Variants in HS6ST3 observed in about 807,000 individuals in gnomAD.
The protein encoded by HS6ST3 is heparan sulfate 6-O-sulfotransferase 3, also known as heparan-sulfate 6-O-sulfotransferase 3.
A neutral mutation model predicts 36.7 loss-of-function variants in HS6ST3; 12 were observed. The observed-to-expected ratio is 0.33, with a 90% CI of 0.21 to 0.53. The LOEUF (loss-of-function observed/expected upper bound fraction) is 0.53. Ranked by LOEUF, HS6ST3 falls within the 20% of genes least tolerant of loss-of-function variation. The pLI is 0.95. For synonymous variants in HS6ST3, 240 were observed against 257.5 expected (o/e 0.93, Z 0.65); for missense variants, 584 against 640.9 (o/e 0.91, Z 0.96).
chr13:96,453,262 C>G (rs76111065), intron 1 of HS6ST3, among the ~76,000 whole-genome samples: 1 of 151,498 alleles, frequency 6.6e-6, no homozygotes, highest in Non-Finnish European at 1.5e-5. Flanking sequence ...GTGGTAAAGT[C>G]TGGGCTTTTA....
intron 1 of HS6ST3, among the ~76,000 whole-genome samples, chr13:96,175,877 C>T (rs1484163420): frequency 3.3e-5 from 5 of 151,982 alleles, no homozygotes; most frequent in South Asian, 4.2e-4. Flanking sequence ...CTCTGTTGCC[C>T]AGGCTGGCGT....
intron 1 of HS6ST3, among the ~76,000 whole-genome samples, chr13:96,207,877 A>T (rs2054379332): frequency 6.6e-6 from 1 of 152,142 alleles, no homozygotes; most frequent in African/African-American, 2.4e-5. Context: ...TAGCTTATGG[A>T]TTCTGGGCTT....
chr13:96,236,433 G>T (rs1481955025), intron 1 of HS6ST3, among the ~76,000 whole-genome samples: 1 of 151,918 alleles, frequency 6.6e-6, no homozygotes, highest in South Asian at 2.1e-4. Context: ...CACCTTTTCT[G>T]CTGTCCCCTG....
At chr13:96,271,232 A>G (rs959251632) in intron 1 of HS6ST3, among the ~76,000 whole-genome samples, 1 of 152,002 alleles carries the variant, frequency 6.6e-6, no homozygotes, top group African/African-American at 2.4e-5. Flanking sequence ...AAGCCATTAC[A>G]TAGCATTTAC....
chr13:96,122,424 G>C (rs2053930226), intron 1 of HS6ST3, among the ~76,000 whole-genome samples: 1 of 151,886 alleles, frequency 6.6e-6, no homozygotes, highest in Admixed American at 6.6e-5. Flanking sequence ...TTATACTTTT[G>C]CAAACCCCCT....
chr13:96,398,760 C>T (rs1181848874), intron 1 of HS6ST3, among the ~76,000 whole-genome samples: 10 of 152,294 alleles, frequency 6.6e-5, no homozygotes, highest in Admixed American at 2.6e-4. Context: ...TGATATAAAA[C>T]GGGAAAGGAC....
intron 1 of HS6ST3, among the ~76,000 whole-genome samples, chr13:96,591,734 T>A (rs992914879): frequency 1.3e-5 from 2 of 152,080 alleles, no homozygotes; most frequent in Non-Finnish European, 2.9e-5. Context: ...CAATACCATA[T>A]GTAATAATGG....
intron 1 of HS6ST3, among the ~76,000 whole-genome samples, chr13:96,628,244 T>G (rs1209345682): frequency 3.3e-5 from 5 of 152,014 alleles, no homozygotes; most frequent in African/African-American, 4.8e-5. Flanking sequence ...TTTAAGATTT[T>G]CCGTTATTTC....
intron 1 of HS6ST3, among the ~76,000 whole-genome samples, chr13:96,275,651 A>G (rs753543340): frequency 6.6e-6 from 1 of 152,220 alleles, no homozygotes; most frequent in Non-Finnish European, 1.5e-5. Flanking sequence ...GCAATATGAA[A>G]AAGTAGTAAA....
chr13:96,704,835 G>A (rs911601260), intron 1 of HS6ST3, among the ~76,000 whole-genome samples: 3 of 152,184 alleles, frequency 2.0e-5, no homozygotes, highest in African/African-American at 7.2e-5. Context: ...TATCAGGGAT[G>A]GGGAGGCAGC....
intron 1 of HS6ST3, among the ~76,000 whole-genome samples, chr13:96,134,438 A>T: frequency 6.7e-6 from 1 of 148,782 alleles, no homozygotes. Context: ...AATATTTTTT[A>T]TTTTGCTCTT....
At chr13:96,645,628 T>C (rs1053761733) in intron 1 of HS6ST3, among the ~76,000 whole-genome samples, 6 of 151,820 alleles carry the variant, frequency 4.0e-5, no homozygotes, top group African/African-American at 1.5e-4. Context: ...AAATCAAACA[T>C]ATTTAATAGA....
At chr13:96,669,417 C>A (rs1369262196) in intron 1 of HS6ST3, among the ~76,000 whole-genome samples, 1 of 152,118 alleles carries the variant, frequency 6.6e-6, no homozygotes, top group Non-Finnish European at 1.5e-5. Flanking sequence ...TGTTGCCTAC[C>A]CAAGTGTTCG....
chr13:96,346,536 C>T (rs983642851), intron 1 of HS6ST3, among the ~76,000 whole-genome samples: 4 of 150,596 alleles, frequency 2.7e-5, no homozygotes, highest in Admixed American at 2.0e-4. Flanking sequence ...GATCGCGCCA[C>T]TGCACTGCAG....
At chr13:96,127,361 A>T (rs2053956855) in intron 1 of HS6ST3, among the ~76,000 whole-genome samples, 1 of 152,238 alleles carries the variant, frequency 6.6e-6, no homozygotes, top group Non-Finnish European at 1.5e-5. Flanking sequence ...ATCAGGCATT[A>T]GATTTTCATA....
chr13:96,406,188 A>G (rs1489732199), intron 1 of HS6ST3, among the ~76,000 whole-genome samples: 1 of 152,196 alleles, frequency 6.6e-6, no homozygotes, highest in Non-Finnish European at 1.5e-5. Flanking sequence ...TTATATTTTT[A>G]TTCAGACATT....
chr13:96,449,210 C>G (rs1472827569), intron 1 of HS6ST3, among the ~76,000 whole-genome samples: 2 of 152,192 alleles, frequency 1.3e-5, no homozygotes, highest in Non-Finnish European at 2.9e-5. Context: ...TATCCTCCCT[C>G]CTTGGCCTCC....
At position 96,091,039 on chromosome 13, in the gene HS6ST3, G is replaced by A; in HGVS notation, c.177G>A (p.Gln59=). The A allele has an allele frequency of 8.0e-7, 1 of 1,250,286 alleles. No homozygotes were observed. The highest frequency in any genetic ancestry group is 1.0e-6 in the Non-Finnish European group (1 of 997,742). The allele number at this position is 1,250,286 out of a possible 1,614,324, so 77.4% of individuals were successfully genotyped here. Residue 59 remains glutamine, a synonymous_variant, in exon 1 of 2, where the codon CAG becomes CAA. Coordinates refer to ENST00000376705, the MANE Select transcript of HS6ST3 (RefSeq NM_153456.4). ...TCCCGGGTCCCGCCCGCCGGGCTCA[G>A]GCGCCGCCGGAGGAGTGGGAGCGGC... is the stretch of plus-strand genomic sequence containing the variant. ...PAVPGPARRA[Q]APPEEWERRP...
chr13:96,316,128 C>G (rs180915199), intron 1 of HS6ST3, among the ~76,000 whole-genome samples: 2 of 151,920 alleles, frequency 1.3e-5, no homozygotes, highest in African/African-American at 4.8e-5. Context: ...CCACTATAGA[C>G]GTATAAGGTA....
Sources: gnomAD v4.1 joint callset for allele counts (sites outside exome capture counted in the v4.1 genomes callset) on GRCh38, gnomAD v4.1.1 for gene constraint, MANE v1.5 for transcripts, NCBI Gene and HGNC (gene_info 2026-07-23, HGNC 2026-07-21) for gene names.